Variants in TOMM7 observed in about 807,000 individuals in gnomAD.
The protein encoded by TOMM7 is mitochondrial import receptor subunit TOM7 homolog.
TOMM7 carries 8 observed loss-of-function variants against 9.5 expected under a neutral mutation model. The ratio of observed to expected loss-of-function variants is 0.84; its 90% CI spans 0.49 to 1.51. The LOEUF is 1.51. Among genes scored for constraint, TOMM7 ranks in the 40% most tolerant of loss-of-function variants. The pLI is 0.00. For synonymous variants in TOMM7, 27 were observed against 21.4 expected (o/e 1.26, Z -0.72); for missense variants, 74 against 63.7 (o/e 1.16, Z -0.55).
intron 2 of TOMM7, chr7:22,817,466 C>A: frequency 4.6e-6 from 1 of 219,466 alleles, no homozygotes; most frequent in Non-Finnish European, 9.8e-6. Flanking sequence ...TGGTCTTGAA[C>A]TCCTAGCTTC....
At chr7:22,815,733 A>G (rs1157787098) in intron 2 of TOMM7, among the ~76,000 whole-genome samples, 1 of 152,214 alleles carries the variant, frequency 6.6e-6, no homozygotes, top group East Asian at 1.9e-4. Context: ...CTATAATCCC[A>G]GCACTTCGGG....
Position 22,822,156 on chromosome 7 carries a change from G to C in TOMM7, c.103+521C>G, listed in dbSNP as rs1782401839. 2.6e-6 allele frequency: 4 copies of C among 1,550,474 alleles called. No homozygotes were observed. In the South Asian group the frequency reaches 4.8e-5, roughly 18 times the overall value. On this transcript the variant is annotated intron_variant, in intron 1 of 2. Coordinates refer to ENST00000358435, the MANE Select transcript of TOMM7 (RefSeq NM_019059.5). ...TTTCTCTACGGCTGTTTCCTCACCTGTAAAATGGGGGCAGTAATAGAAATC... is the reference window on the plus strand; with the variant it reads ...TTTCTCTACGGCTGTTTCCTCACCTCTAAAATGGGGGCAGTAATAGAAATC...
chr7:22,813,691 T>TA (rs1480934904), intron 2 of TOMM7, among the ~76,000 whole-genome samples: 1 of 151,494 alleles, frequency 6.6e-6, no homozygotes, highest in East Asian at 2.0e-4. Context: ...TAAGTGCCCT[T>TA]ACAACCATTA....
At chr7:22,815,697 A>G (rs1489738343) in intron 2 of TOMM7, among the ~76,000 whole-genome samples, 1 of 152,160 alleles carries the variant, frequency 6.6e-6, no homozygotes, top group African/African-American at 2.4e-5. Context: ...AAAGGATACT[A>G]TGGGGCTGGG....
At chr7:22,820,210 T>C (rs1487648870) in intron 1 of TOMM7, among the ~76,000 whole-genome samples, 29 of 152,092 alleles carry the variant, frequency 1.9e-4, no homozygotes, top group South Asian at 2.1e-4. Flanking sequence ...TAAAATTAAA[T>C]ATACAGTATA....
chr7:22,821,371 C>T (rs1489153148), intron 1 of TOMM7, among the ~76,000 whole-genome samples: 1 of 149,790 alleles, frequency 6.7e-6, no homozygotes, highest in Non-Finnish European at 1.5e-5. Context: ...GATCGCGCCA[C>T]TGCACTCCAG....
At chr7:22,814,110 G>GGATC (rs960892816) in intron 2 of TOMM7, among the ~76,000 whole-genome samples, 1 of 150,078 alleles carries the variant, frequency 6.7e-6, no homozygotes, top group African/African-American at 2.5e-5. Flanking sequence ...TGAGGTGGGT[G>GGATC]GATCGCCTGA....
At chr7:22,818,256 G>T in intron 1 of TOMM7, 1 of 494,938 alleles carries the variant, frequency 2.0e-6, no homozygotes. Context: ...TAATCAGTAG[G>T]AAGAACAAGC....
At chr7:22,822,489 C>T in intron 1 of TOMM7, 188 bp downstream of exon 1, 1 of 707,348 alleles carries the variant, frequency 1.4e-6, no homozygotes, top group Non-Finnish European at 2.4e-6. Flanking sequence ...AAAGACCATG[C>T]AACTATAAAG....
intron 2 of TOMM7, among the ~76,000 whole-genome samples, chr7:22,815,716 C>T (rs1252948820): frequency 6.6e-6 from 1 of 152,070 alleles, no homozygotes; most frequent in African/African-American, 2.4e-5. Context: ...GGTGCAGTGG[C>T]CCATGCCTAT....
intron 1 of TOMM7, among the ~76,000 whole-genome samples, chr7:22,821,936 G>A (rs1029634167): frequency 6.6e-6 from 1 of 151,996 alleles, no homozygotes; most frequent in Admixed American, 6.5e-5. Context: ...GGAGGGGAAG[G>A]TTGCAATGAG....
chr7:22,817,499 C>T, intron 2 of TOMM7: 1 of 237,104 alleles, frequency 4.2e-6, no homozygotes, highest in South Asian at 4.8e-5. Context: ...CATGATCTTC[C>T]CACCTTGGCT....
intron 2 of TOMM7, among the ~76,000 whole-genome samples, chr7:22,817,185 T>C (rs2286500): frequency 0.23 from 34,348 of 152,148 alleles, 4,300 homozygotes; most frequent in Middle Eastern, 0.34. Flanking sequence ...TATACCTATA[T>C]ATATAATTTT....
intron 2 of TOMM7, 149 bp downstream of exon 2, chr7:22,817,851 A>G (rs1782336260): frequency 3.2e-6 from 2 of 628,980 alleles, no homozygotes; most frequent in Non-Finnish European, 5.6e-6. Flanking sequence ...GGGGGAAGAG[A>G]AAGTAGTTGC....
intron 2 of TOMM7, among the ~76,000 whole-genome samples, chr7:22,815,468 G>A (rs1782306111): frequency 6.6e-6 from 1 of 151,850 alleles, no homozygotes; most frequent in East Asian, 1.9e-4. Flanking sequence ...GGCCCAGGTG[G>A]GAGGACTGCT....
chr7:22,819,733 T>C (rs533992293), intron 1 of TOMM7, among the ~76,000 whole-genome samples: 5 of 152,286 alleles, frequency 3.3e-5, no homozygotes, highest in Admixed American at 1.3e-4. Flanking sequence ...TGGCTGAAGG[T>C]ACTATTTTCC....
chr7:22,813,083 T>G lies in TOMM7; in HGVS notation c.*87A>C, dbSNP rs1266216567. ...TTGTGCCATCCAACTAGTGACTGAA[T>G]GATGTCCCATCTCTTATCCGAGCCA... On this transcript the variant is annotated 3_prime_UTR_variant, in exon 3 of 3. Coordinates refer to ENST00000358435, the MANE Select transcript of TOMM7 (RefSeq NM_019059.5). 7.1e-7 allele frequency: 1 copy of G among 1,399,098 alleles called. No individual in the cohort carries two copies. The highest frequency in any genetic ancestry group is 1.0e-6 in the Non-Finnish European group (1 of 985,310). The allele number at this position is 1,399,098 out of a possible 1,614,324, so 86.7% of individuals were successfully genotyped here.
At chr7:22,814,336 C>A (rs1583462086) in intron 2 of TOMM7, among the ~76,000 whole-genome samples, 4 of 115,722 alleles carry the variant, frequency 3.5e-5, no homozygotes, top group South Asian at 6.1e-4. Flanking sequence ...GGTGACAGAG[C>A]AAGACTCCGA....
chr7:22,814,490 G>T (rs1782292009), intron 2 of TOMM7, among the ~76,000 whole-genome samples: 1 of 152,082 alleles, frequency 6.6e-6, no homozygotes, highest in East Asian at 1.9e-4. Flanking sequence ...CTGCACTCCA[G>T]CCTGGGTGAC....
Sources: allele counts gnomAD v4.1 joint callset (sites outside exome capture counted in the v4.1 genomes callset), GRCh38; gene constraint gnomAD v4.1.1; transcripts MANE v1.5; gene names NCBI Gene and HGNC (gene_info 2026-07-23, HGNC 2026-07-21).